CNTN3: variants seen among roughly 807,000 people sequenced by gnomAD.
CNTN3 encodes contactin-3.
A neutral mutation model predicts 119.1 loss-of-function variants in CNTN3; 60 were observed. That is an observed-to-expected ratio of 0.50 (90% CI 0.41 to 0.62). The LOEUF (loss-of-function observed/expected upper bound fraction) is 0.62. Ranked by LOEUF, CNTN3 falls within the 20% of genes least tolerant of loss-of-function variation. The pLI is 0.00. For synonymous variants in CNTN3, 450 were observed against 438.7 expected (o/e 1.03, Z -0.32); for missense variants, 1,101 against 1,242.4 (o/e 0.89, Z 1.71).
chr3:74,321,135 G>A (rs148378509), intron 13 of CNTN3, among the ~76,000 whole-genome samples: 1 of 152,154 alleles, frequency 6.6e-6, no homozygotes, highest in East Asian at 1.9e-4. Flanking sequence ...AATACAAGAG[G>A]GAGGAGGACT....
intron 4 of CNTN3, among the ~76,000 whole-genome samples, chr3:74,468,704 T>C (rs1702507585): frequency 6.6e-6 from 1 of 152,208 alleles, no homozygotes; most frequent in South Asian, 2.1e-4. Context: ...TGAATGCAAC[T>C]GCAGTTCGAC....
At chr3:74,540,555 T>C (rs1274846298) in intron 1 of CNTN3, among the ~76,000 whole-genome samples, 1 of 152,178 alleles carries the variant, frequency 6.6e-6, no homozygotes, top group Non-Finnish European at 1.5e-5. Context: ...GCTTTATATG[T>C]ATTAATCTTC....
chr3:74,295,659 A>G (rs1417738328), intron 18 of CNTN3, among the ~76,000 whole-genome samples: 1 of 152,172 alleles, frequency 6.6e-6, no homozygotes, highest in Non-Finnish European at 1.5e-5. Flanking sequence ...TACACAATAA[A>G]CACTGAGTGA....
At position 74,302,734 on chromosome 3, in the gene CNTN3, G is replaced by A. The variant is rs768855847; in HGVS notation, c.1742C>T (p.Thr581Met). The A allele has an allele frequency of 6.2e-6, 10 of 1,613,174 alleles. No individual in the cohort carries two copies. The highest frequency in any genetic ancestry group is 2.7e-5 in the African/African-American group (2 of 74,976). The change falls in exon 14 of 23, where the codon ACG becomes ATG. Residue 581 changes from threonine (T) to methionine (M), a missense_variant. Coordinates refer to ENST00000263665, the MANE Select transcript of CNTN3 (RefSeq NM_020872.3). ...AGCAGATGAAACACTGTCCACCCCC[G>A]TTTGCACCATACAAACATATTTCCC... ...HSGKYVCMVQTGVDSVSSAAD... is the reference protein window; with the variant it reads ...HSGKYVCMVQMGVDSVSSAAD...
In CNTN3 at chr3:74,611,858, T is replaced by C. The variant is rs141294782; in HGVS notation, c.-81+2533A>G. Among the ~76,000 whole-genome samples the C allele has an allele frequency of 3.7e-3, 557 of 152,292 alleles. 1 individual carries two copies. Among genetic ancestry groups the C allele is most frequent in the African/African-American group, 0.013 (537 of 41,552 alleles). ...AGAAGGCTTAAAGGCAGACTGGTGG[T>C]GACAACTAAATCAGAGACAGCAGGC... On this transcript the variant is annotated intron_variant, in intron 1 of 22. Transcript: ENST00000263665.
At chr3:74,539,358 T>C (rs1703808992) in intron 1 of CNTN3, among the ~76,000 whole-genome samples, 2 of 152,118 alleles carry the variant, frequency 1.3e-5, no homozygotes, top group Admixed American at 6.6e-5. Flanking sequence ...CTTGTGCCCA[T>C]TGATGAGGGT....
At chr3:74,587,339 T>C (rs4677420) in intron 1 of CNTN3, among the ~76,000 whole-genome samples, 5 of 152,116 alleles carry the variant, frequency 3.3e-5, no homozygotes, top group Admixed American at 2.0e-4. Context: ...AAGACTGTTT[T>C]TGGGCAATGA....
intron 1 of CNTN3, among the ~76,000 whole-genome samples, chr3:74,536,314 G>A (rs1336622075): frequency 6.6e-6 from 1 of 152,052 alleles, no homozygotes; most frequent in Admixed American, 6.6e-5. Context: ...GTACCATACA[G>A]ATATTAACCT....
chr3:74,299,357 T>C (rs1702407978), intron 17 of CNTN3, among the ~76,000 whole-genome samples: 1 of 152,160 alleles, frequency 6.6e-6, no homozygotes. Context: ...TTCCTACTGA[T>C]GATGTAAACC....
At chr3:74,534,651 C>T (rs1473185495) in intron 1 of CNTN3, among the ~76,000 whole-genome samples, 3 of 151,956 alleles carry the variant, frequency 2.0e-5, no homozygotes, top group Non-Finnish European at 4.4e-5. Context: ...TAAAATGATG[C>T]TATAGAAGTG....
chr3:74,508,570 T>C (rs147160881), intron 2 of CNTN3, among the ~76,000 whole-genome samples: 14 of 152,274 alleles, frequency 9.2e-5, no homozygotes, highest in African/African-American at 2.4e-4. Context: ...CTGATAAACA[T>C]ACAACTGATA....
chr3:74,361,815 A>G, intron 11 of CNTN3, 75 bp downstream of exon 11: 1 of 1,423,198 alleles, frequency 7.0e-7, no homozygotes, highest in Non-Finnish European at 9.4e-7. Context: ...TTCATTTCAT[A>G]TTTAAAACCT....
intron 5 of CNTN3, among the ~76,000 whole-genome samples, chr3:74,422,566 C>T (rs1278428292): frequency 6.6e-6 from 1 of 152,164 alleles, no homozygotes; most frequent in Non-Finnish European, 1.5e-5. Context: ...CCTCCAACAG[C>T]TTACTAAGAC....
intron 13 of CNTN3, among the ~76,000 whole-genome samples, chr3:74,325,229 A>G (rs1015202758): frequency 6.6e-6 from 1 of 152,164 alleles, no homozygotes; most frequent in African/African-American, 2.4e-5. Context: ...TTAATATCCT[A>G]TACAATAATC....
At chr3:74,428,435 T>C (rs1701731856) in intron 4 of CNTN3, among the ~76,000 whole-genome samples, 1 of 145,738 alleles carries the variant, frequency 6.9e-6, no homozygotes, top group Non-Finnish European at 1.5e-5. Flanking sequence ...CTGATGATCC[T>C]GACCCTGTGT....
intron 11 of CNTN3, among the ~76,000 whole-genome samples, chr3:74,352,789 G>T (rs1703847843): frequency 6.6e-6 from 1 of 152,128 alleles, no homozygotes; most frequent in African/African-American, 2.4e-5. Context: ...GTGCTTCAAG[G>T]TTCAACAGTT....
At chr3:74,311,972 C>T (rs1170074170) in intron 13 of CNTN3, among the ~76,000 whole-genome samples, 2 of 129,608 alleles carry the variant, frequency 1.5e-5, no homozygotes, top group Non-Finnish European at 3.1e-5. Flanking sequence ...TGGACAATTC[C>T]GTGAGTTAAA....
intron 13 of CNTN3, among the ~76,000 whole-genome samples, chr3:74,316,405 A>G (rs667986): frequency 0.075 from 11,489 of 152,254 alleles, 517 homozygotes; most frequent in East Asian, 0.19. Context: ...AAATTAGTAC[A>G]GGCATTGTGA....
At chr3:74,526,433 T>G (rs910452134) in intron 1 of CNTN3, among the ~76,000 whole-genome samples, 1 of 151,836 alleles carries the variant, frequency 6.6e-6, no homozygotes, top group African/African-American at 2.4e-5. Context: ...TCAGAAATCA[T>G]GCATCACATA....
Sources: allele counts gnomAD v4.1 joint callset (sites outside exome capture counted in the v4.1 genomes callset), GRCh38; gene constraint gnomAD v4.1.1; transcripts MANE v1.5; gene names NCBI Gene and HGNC (gene_info 2026-07-23, HGNC 2026-07-21).